Variants in EFHB observed in about 807,000 individuals in gnomAD.
The protein encoded by EFHB is EF-hand domain family member B.
Under a neutral mutation model 87.2 loss-of-function variants are expected in EFHB, and 91 were observed. That is an observed-to-expected ratio of 1.04 (90% confidence interval 0.88 to 1.24). The LOEUF is 1.24. Ranked by LOEUF, EFHB falls within the 50% of genes most tolerant of loss-of-function variation. EFHB has a pLI of 0.00. For synonymous variants in EFHB, 325 were observed against 333.6 expected (o/e 0.97, Z 0.28); for missense variants, 1,084 against 998.8 (o/e 1.09, Z -1.15).
At chr3:19,897,968 G>T (rs1206981400) in intron 8 of EFHB, among the ~76,000 whole-genome samples, 1 of 152,172 alleles carries the variant, frequency 6.6e-6, no homozygotes, top group African/African-American at 2.4e-5. Flanking sequence ...GTGTATATAA[G>T]AACCTACTGA....
intron 6 of EFHB, among the ~76,000 whole-genome samples, chr3:19,903,965 G>A (rs1694755436): frequency 6.6e-6 from 1 of 152,162 alleles, no homozygotes; most frequent in Non-Finnish European, 1.5e-5. Context: ...CACCTATCCT[G>A]TGGAGTTCTT....
chr3:19,889,797 T>C (rs1694241830), intron 9 of EFHB, among the ~76,000 whole-genome samples: 1 of 152,128 alleles, frequency 6.6e-6, no homozygotes. Context: ...TTTGGGAGCC[T>C]GACCAACACG....
intron 8 of EFHB, among the ~76,000 whole-genome samples, chr3:19,898,333 C>A (rs1694553493): frequency 6.6e-6 from 1 of 152,160 alleles, no homozygotes; most frequent in Admixed American, 6.6e-5. Context: ...AGTTAAAATG[C>A]AGTTTCTGAT....
rs769820388 is a variant in EFHB at position 19,896,791 on chromosome 3, T to C, written c.1621A>G (p.Lys541Glu). The change falls in exon 9 of 13, where the codon AAG becomes GAG. Residue 541 changes from lysine (K) to glutamate (E), a missense_variant. Physicochemically the swap from Lys to Glu is moderately conservative, Grantham distance 56. Transcript: ENST00000295824. ...GCAATCAGGGCTCGCTGTCTATCCTTGCCTCGAAGATATTCATCCGGAAGT... is the reference window on the plus strand; with the variant it reads ...GCAATCAGGGCTCGCTGTCTATCCTCGCCTCGAAGATATTCATCCGGAAGT... ...NRLPDEYLRG[K>E]DRQRALIAAV... The C allele has an allele frequency of 6.8e-6, 11 of 1,613,908 alleles. No homozygotes were observed. The Admixed American group carries it at 1.7e-4, about 24-fold the overall frequency.
At chr3:19,930,941 T>C (rs1292968569) in intron 1 of EFHB, among the ~76,000 whole-genome samples, 1 of 152,094 alleles carries the variant, frequency 6.6e-6, no homozygotes. Context: ...GGGACCAGCC[T>C]GGCCAACATG....
chr3:19,925,292 CCCCCGCA>C (rs1429995946), intron 1 of EFHB, among the ~76,000 whole-genome samples: 2 of 151,006 alleles, frequency 1.3e-5, no homozygotes, highest in African/African-American at 4.9e-5. Flanking sequence ...TAGACAAACA[CCCCCGCA>C]CACTTGCATG....
intron 1 of EFHB, chr3:19,942,937 T>C: frequency 5.0e-6 from 1 of 200,370 alleles, no homozygotes; most frequent in Non-Finnish European, 1.0e-5. Flanking sequence ...CCAGTACCAG[T>C]CCATGGCCCT....
At chr3:19,885,800 G>C (rs959365160) in intron 10 of EFHB, among the ~76,000 whole-genome samples, 5 of 152,136 alleles carry the variant, frequency 3.3e-5, no homozygotes, top group Non-Finnish European at 7.3e-5. Context: ...CAGGCCCACT[G>C]TTCCAGATCC....
intron 8 of EFHB, 48 bp from the exon 9 acceptor site, chr3:19,896,889 TA>T (rs1340319591): frequency 1.6e-5 from 23 of 1,469,374 alleles, no homozygotes; most frequent in Non-Finnish European, 2.1e-5. Context: ...AGTCTTTCTA[TA>T]TTATTTCTAT....
intron 1 of EFHB, among the ~76,000 whole-genome samples, chr3:19,944,301 T>C (rs893135262): frequency 4.6e-5 from 7 of 152,230 alleles, no homozygotes. Flanking sequence ...GAGAGACACC[T>C]GCCACTGGGA....
chr3:19,933,451 C>G lies in EFHB; in HGVS notation c.568G>C (p.Val190Leu), dbSNP rs760319370. The change falls in exon 1 of 13, where the codon GTG becomes CTG. Residue 190 changes from valine (V) to leucine (L), a missense_variant. By Grantham distance (32) the Val-to-Leu change is conservative. Coordinates refer to ENST00000295824, the MANE Select transcript of EFHB (RefSeq NM_144715.4). ...MKPNTEIKLP[V>L]EVDIGLTQAE... ...TGGGTTAGTCCAATGTCCACCTCCA[C>G]AGGAAGCTTAATCTCTGTGTTGGGT... 9 of 1,613,920 alleles carry G rather than the reference C, an allele frequency of 5.6e-6. No individual in the cohort carries two copies. Among genetic ancestry groups the G allele is most frequent in the Non-Finnish European group, 7.6e-6 (9 of 1,179,898 alleles).
intron 6 of EFHB, among the ~76,000 whole-genome samples, chr3:19,902,971 G>A (rs927559339): frequency 1.3e-5 from 2 of 151,974 alleles, no homozygotes; most frequent in African/African-American, 4.8e-5. Context: ...GAGGTCATGA[G>A]TTCAAGACCA....
intron 1 of EFHB, among the ~76,000 whole-genome samples, chr3:19,939,921 T>C (rs1696117649): frequency 6.6e-6 from 1 of 152,050 alleles, no homozygotes; most frequent in African/African-American, 2.4e-5. Context: ...TCCAACAACT[T>C]AGTGTTATAG....
intron 4 of EFHB, 126 bp from the exon 5 acceptor site, chr3:19,915,539 G>C: frequency 3.3e-6 from 2 of 604,008 alleles, no homozygotes; most frequent in Non-Finnish European, 5.7e-6. Context: ...CATCCCGAGA[G>C]ATCACAAAGC....
chr3:19,912,016 G>C (rs1695081144), intron 5 of EFHB, among the ~76,000 whole-genome samples: 1 of 151,940 alleles, frequency 6.6e-6, no homozygotes, highest in Non-Finnish European at 1.5e-5. Flanking sequence ...TAGAGAAAGA[G>C]ATAGGAGTAG....
At chr3:19,906,204 C>G (rs1694838055) in intron 5 of EFHB, among the ~76,000 whole-genome samples, 1 of 152,174 alleles carries the variant, frequency 6.6e-6, no homozygotes, top group African/African-American at 2.4e-5. Flanking sequence ...TGGCATGCAC[C>G]TGTAATCCCA....
intron 6 of EFHB, among the ~76,000 whole-genome samples, chr3:19,899,839 G>C (rs954386622): frequency 3.9e-5 from 6 of 152,050 alleles, no homozygotes; most frequent in African/African-American, 1.4e-4. Flanking sequence ...TTGGGAGGCT[G>C]AGGTGGGCAG....
chr3:19,898,399 A>T (rs1479188720), intron 8 of EFHB, among the ~76,000 whole-genome samples: 1 of 152,226 alleles, frequency 6.6e-6, no homozygotes, highest in Non-Finnish European at 1.5e-5. Flanking sequence ...CTCCCAGGGG[A>T]TGCCAATACT....
chr3:19,923,382 G>A (rs1261951089), intron 1 of EFHB, among the ~76,000 whole-genome samples: 1 of 152,046 alleles, frequency 6.6e-6, no homozygotes, highest in Admixed American at 6.6e-5. Context: ...TTTGAGACAG[G>A]GTCTGATTCC....
Sources: gnomAD v4.1 joint callset for allele counts (sites outside exome capture counted in the v4.1 genomes callset) on GRCh38, gnomAD v4.1.1 for gene constraint, MANE v1.5 for transcripts, NCBI Gene and HGNC (gene_info 2026-07-23, HGNC 2026-07-21) for gene names.